PDCD1LG2: variants seen among roughly 807,000 people sequenced by gnomAD.
PDCD1LG2 encodes the protein programmed cell death 1 ligand 2.
A neutral mutation model predicts 28.2 loss-of-function variants in PDCD1LG2; 32 were observed. That is an observed-to-expected ratio of 1.13 (90% CI 0.86 to 1.52). The LOEUF is 1.52. PDCD1LG2 is among the 40% of genes most tolerant of loss of function. The pLI is 0.00. For missense variants in PDCD1LG2, 385 were observed against 323.8 expected (o/e 1.19, Z -1.45); for synonymous variants, 116 against 120.2 (o/e 0.97, Z 0.23).
rs776119181 is a variant in PDCD1LG2 at position 5,557,759 on chromosome 9, G to A, written c.766+7G>A. On this transcript the variant is annotated splice_region_variant and intron_variant, in intron 5 of 6. Transcript: ENST00000397747. ...AAGCTGTATTCTTCAAAAGGTAAGTGAGTTTTATTCATGGTAACCCAATGC... is the reference window on the plus strand; with the variant it reads ...AAGCTGTATTCTTCAAAAGGTAAGTAAGTTTTATTCATGGTAACCCAATGC... 1.2e-6 allele frequency: 2 copies of A among 1,613,854 alleles called. No homozygotes were observed. The highest frequency in any genetic ancestry group is 8.5e-7 in the Non-Finnish European group (1 of 1,179,790).
intron 3 of PDCD1LG2, among the ~76,000 whole-genome samples, chr9:5,547,677 C>A (rs1482764773): frequency 6.6e-6 from 1 of 152,114 alleles, no homozygotes; most frequent in Admixed American, 6.5e-5. Flanking sequence ...TGGCTCATGC[C>A]TGTAATCCCA....
In PDCD1LG2 at chr9:5,549,473, C is replaced by A. The variant is rs2129876165; in HGVS notation, c.500C>A (p.Ser167Tyr). 1 of 1,614,200 alleles carries A rather than the reference C, an allele frequency of 6.2e-7. No homozygotes were observed. Among genetic ancestry groups the A allele is most frequent in the Non-Finnish European group, 8.5e-7 (1 of 1,180,020 alleles). ...AGCGTTCCTGCCAACACCAGCCACT[C>A]CAGGACCCCTGAAGGCCTCTACCAG... ...NVSVPANTSH[S>Y]RTPEGLYQVT... The change falls in exon 4 of 7, where the codon TCC (serine) becomes TAC (tyrosine). Residue 167 changes from serine to tyrosine, a missense_variant. Transcript: ENST00000397747.
intron 2 of PDCD1LG2, among the ~76,000 whole-genome samples, chr9:5,525,961 C>T (rs1471387747): frequency 5.9e-5 from 9 of 151,434 alleles, no homozygotes; most frequent in African/African-American, 2.2e-4. Context: ...GCAGGAGAAT[C>T]GCTTGAACCA....
intron 6 of PDCD1LG2, among the ~76,000 whole-genome samples, chr9:5,565,186 T>A (rs1457270873): frequency 2.0e-5 from 3 of 152,184 alleles, no homozygotes; most frequent in African/African-American, 7.2e-5. Context: ...TAAAATTTAA[T>A]TCAATTTTTT....
At chr9:5,568,733 C>G (rs1373103783) in intron 6 of PDCD1LG2, among the ~76,000 whole-genome samples, 1 of 152,218 alleles carries the variant, frequency 6.6e-6, no homozygotes, top group Non-Finnish European at 1.5e-5. Context: ...ACAGTTGTCT[C>G]AGGGAGGGAG....
intron 1 of PDCD1LG2, among the ~76,000 whole-genome samples, chr9:5,519,527 C>G (rs550395086): frequency 6.6e-6 from 1 of 152,118 alleles, no homozygotes; most frequent in African/African-American, 2.4e-5. Flanking sequence ...TGCTGGTGAC[C>G]GCTCTTCACA....
At chr9:5,552,063 C>T (rs1203412500) in intron 4 of PDCD1LG2, among the ~76,000 whole-genome samples, 2 of 152,192 alleles carry the variant, frequency 1.3e-5, no homozygotes, top group Non-Finnish European at 2.9e-5. Flanking sequence ...CCAGACTTAA[C>T]GACCCTAAGA....
intron 6 of PDCD1LG2, among the ~76,000 whole-genome samples, chr9:5,568,748 G>A (rs763920003): frequency 1.3e-5 from 2 of 152,150 alleles, no homozygotes; most frequent in African/African-American, 4.8e-5. Context: ...AGGGAGGAGA[G>A]TGCTATTAGC....
intron 2 of PDCD1LG2, among the ~76,000 whole-genome samples, chr9:5,530,295 T>C (rs1481624178): frequency 1.3e-5 from 2 of 152,192 alleles, no homozygotes; most frequent in Non-Finnish European, 2.9e-5. Flanking sequence ...TTTAGTTTAG[T>C]TAAGGGCCCC....
At chr9:5,534,522 G>C (rs375571247) in intron 2 of PDCD1LG2, among the ~76,000 whole-genome samples, 1 of 152,148 alleles carries the variant, frequency 6.6e-6, no homozygotes, top group African/African-American at 2.4e-5. Flanking sequence ...CTGCACAGGA[G>C]GGAATGTTTG....
chr9:5,536,360 G>C (rs761960058), intron 3 of PDCD1LG2, among the ~76,000 whole-genome samples: 1 of 152,102 alleles, frequency 6.6e-6, no homozygotes, highest in East Asian at 1.9e-4. Flanking sequence ...TTGTTACAGG[G>C]GCAGTGACCT....
rs959676965 is a variant in PDCD1LG2 at position 5,534,409 on chromosome 9, T to TG, written c.56-330dup. 4.6e-5 allele frequency among the ~76,000 whole-genome samples: 7 copies of TG among 152,238 alleles called. No individual in the cohort carries two copies. The South Asian group carries it at 1.5e-3, about 32-fold the overall frequency. ...GATGACCTGGAATGACTGCAGGGCT[T>TG]GGGGGGTCAGGGACTGGAGGTGGGA... On this transcript the variant is annotated intron_variant, in intron 2 of 6. Coordinates refer to ENST00000397747, the MANE Select transcript of PDCD1LG2 (RefSeq NM_025239.4).
intron 5 of PDCD1LG2, 53 bp downstream of exon 5, chr9:5,557,805 G>A: frequency 6.2e-7 from 1 of 1,602,314 alleles, no homozygotes; most frequent in Middle Eastern, 1.7e-4. Flanking sequence ...TGCAGCATGA[G>A]CCACTGCTTT....
chr9:5,538,473 C>T (rs1335160370), intron 3 of PDCD1LG2, among the ~76,000 whole-genome samples: 1 of 151,114 alleles, frequency 6.6e-6, no homozygotes, highest in East Asian at 1.9e-4. Context: ...ATCATGAGGT[C>T]AGGAGATCGA....
At chr9:5,563,362 C>T (rs1285769617) in intron 6 of PDCD1LG2, 151 bp downstream of exon 6, 1 of 721,290 alleles carries the variant, frequency 1.4e-6, no homozygotes, top group East Asian at 2.7e-5. Context: ...TCAGCGAAGC[C>T]TCGTTCTTAG....
chr9:5,515,707 G>A (rs1050451040), intron 1 of PDCD1LG2, among the ~76,000 whole-genome samples: 3 of 151,904 alleles, frequency 2.0e-5, no homozygotes, highest in South Asian at 2.1e-4. Flanking sequence ...GGTGGATCAC[G>A]AGGTCAGAGT....
In PDCD1LG2 at chr9:5,569,089, G is replaced by T. The variant is rs1328418911; in HGVS notation, c.817-865G>T. 1.3e-5 allele frequency among the ~76,000 whole-genome samples: 2 copies of T among 152,180 alleles called. No homozygotes were observed. Among genetic ancestry groups the T allele is most frequent in the African/African-American group, 4.8e-5 (2 of 41,440 alleles). On this transcript the variant is annotated intron_variant, in intron 6 of 6. Coordinates refer to ENST00000397747, the MANE Select transcript of PDCD1LG2 (RefSeq NM_025239.4). The surrounding 1 kb of genome is among the most constrained non-coding windows in gnomAD (Gnocchi z 4.1). ...AGAGAAAGCCAGGTGTGAGATAAGG[G>T]GGAAAGACTGTTAGGGCATGTATTG...
chr9:5,540,033 T>C (rs1411247790), intron 3 of PDCD1LG2, among the ~76,000 whole-genome samples: 1 of 152,194 alleles, frequency 6.6e-6, no homozygotes, highest in African/African-American at 2.4e-5. Context: ...ATCAAAATTA[T>C]ATCAAGTACT....
chr9:5,566,272 T>G (rs562835571), intron 6 of PDCD1LG2, among the ~76,000 whole-genome samples: 1 of 152,342 alleles, frequency 6.6e-6, no homozygotes, highest in Non-Finnish European at 1.5e-5. Flanking sequence ...GCTTGCTGGT[T>G]TTGCTTCACT....
Sources: gnomAD v4.1 joint callset for allele counts (sites outside exome capture counted in the v4.1 genomes callset) on GRCh38, gnomAD v4.1.1 for gene constraint, Gnocchi (gnomAD v3.1) non-coding constraint, MANE v1.5 for transcripts, NCBI Gene and HGNC (gene_info 2026-07-23, HGNC 2026-07-21) for gene names.